Variants in ARHGAP24 observed in about 807,000 individuals in gnomAD.
ARHGAP24 encodes rho GTPase-activating protein 24.
ARHGAP24 carries 50 observed loss-of-function variants against 76.4 expected under a neutral mutation model. The ratio of observed to expected loss-of-function variants is 0.65; its 90% CI spans 0.52 to 0.83. The LOEUF (loss-of-function observed/expected upper bound fraction) is 0.83. Among genes scored for constraint, ARHGAP24 ranks in the 40% least tolerant of loss-of-function variants. The pLI is 0.00. For synonymous variants in ARHGAP24, 345 were observed against 323.3 expected (o/e 1.07, Z -0.72); for missense variants, 930 against 914.2 (o/e 1.02, Z -0.22).
intron 3 of ARHGAP24, among the ~76,000 whole-genome samples, chr4:85,785,474 T>A (rs1727791070): frequency 6.6e-6 from 1 of 151,514 alleles, no homozygotes; most frequent in African/African-American, 2.4e-5. Context: ...TCTGTTTTTG[T>A]TGTTGTTGTT....
At chr4:85,926,685 G>A (rs1027748419) in intron 4 of ARHGAP24, among the ~76,000 whole-genome samples, 2 of 152,032 alleles carry the variant, frequency 1.3e-5, no homozygotes, top group African/African-American at 2.4e-5. Flanking sequence ...TGTGTATTAC[G>A]TTTCCACTTA....
intron 1 of ARHGAP24, among the ~76,000 whole-genome samples, chr4:85,499,303 G>A (rs1203455925): frequency 6.6e-6 from 1 of 152,132 alleles, no homozygotes; most frequent in African/African-American, 2.4e-5. Context: ...AGAATTTCAA[G>A]CCTCTAGTTT....
chr4:85,833,308 T>A (rs1730090129), intron 3 of ARHGAP24, among the ~76,000 whole-genome samples: 1 of 152,206 alleles, frequency 6.6e-6, no homozygotes, highest in Non-Finnish European at 1.5e-5. Flanking sequence ...AAAAGCTATC[T>A]ATCAAGAGGT....
At chr4:85,638,089 A>C (rs371068771) in intron 2 of ARHGAP24, among the ~76,000 whole-genome samples, 6 of 152,208 alleles carry the variant, frequency 3.9e-5, no homozygotes, top group African/African-American at 1.4e-4. Flanking sequence ...AAAGCCTTGT[A>C]ATAACTTGTC....
chr4:85,722,944 A>T (rs528163187), intron 3 of ARHGAP24, among the ~76,000 whole-genome samples: 1 of 152,240 alleles, frequency 6.6e-6, no homozygotes, highest in Non-Finnish European at 1.5e-5. Context: ...CAGCTGTGGC[A>T]CTAAGTTCAT....
chr4:85,837,856 T>C (rs917985582), intron 3 of ARHGAP24, among the ~76,000 whole-genome samples: 1 of 152,172 alleles, frequency 6.6e-6, no homozygotes. Flanking sequence ...TTAACATTTT[T>C]ATCATCTTCT....
chr4:85,824,809 G>A (rs541049316), intron 3 of ARHGAP24, among the ~76,000 whole-genome samples: 1 of 152,136 alleles, frequency 6.6e-6, no homozygotes, highest in Non-Finnish European at 1.5e-5. Flanking sequence ...CTAAATACCC[G>A]GCCAGGTTGG....
chr4:85,789,332 A>G (rs1728009060), intron 3 of ARHGAP24, among the ~76,000 whole-genome samples: 1 of 152,070 alleles, frequency 6.6e-6, no homozygotes, highest in Non-Finnish European at 1.5e-5. Flanking sequence ...CAGAGAATCA[A>G]AGAAAAGGCA....
At chr4:85,629,086 G>A (rs951077131) in intron 2 of ARHGAP24, among the ~76,000 whole-genome samples, 1 of 151,970 alleles carries the variant, frequency 6.6e-6, no homozygotes, top group African/African-American at 2.4e-5. Flanking sequence ...TTTTGTAGTG[G>A]TACGTTTTGA....
intron 3 of ARHGAP24, among the ~76,000 whole-genome samples, chr4:85,879,313 G>A (rs1201936084): frequency 6.6e-6 from 1 of 151,982 alleles, no homozygotes; most frequent in African/African-American, 2.4e-5. Flanking sequence ...ATTTCTGTAC[G>A]ACACGTTAAG....
At chr4:85,977,476 A>G (rs1560760142) in intron 7 of ARHGAP24, 94 bp from the exon 8 acceptor site, 4 of 1,409,948 alleles carry the variant, frequency 2.8e-6, no homozygotes, top group Middle Eastern at 1.8e-4. Flanking sequence ...ATCTTTGAAC[A>G]TAACTTTAGT....
chr4:85,826,083 A>T (rs1426175411), intron 3 of ARHGAP24, among the ~76,000 whole-genome samples: 1 of 152,186 alleles, frequency 6.6e-6, no homozygotes, highest in Admixed American at 6.5e-5. Context: ...TGTGTGTCTC[A>T]TAAGACGGGT....
At chr4:85,514,146 G>C (rs1724393845) in intron 1 of ARHGAP24, among the ~76,000 whole-genome samples, 2 of 152,126 alleles carry the variant, frequency 1.3e-5, no homozygotes, top group Admixed American at 1.3e-4. Flanking sequence ...TACAGCCCCA[G>C]ACTCCATCTT....
chr4:85,488,925 T>C (rs1159313773), intron 1 of ARHGAP24, among the ~76,000 whole-genome samples: 1 of 152,246 alleles, frequency 6.6e-6, no homozygotes, highest in Non-Finnish European at 1.5e-5. Context: ...TAAAGGCAGC[T>C]GAAAATTGTA....
intron 3 of ARHGAP24, among the ~76,000 whole-genome samples, chr4:85,745,415 ACATATATATAAT>A (rs750791075): frequency 1.5e-5 from 1 of 65,444 alleles, no homozygotes. Flanking sequence ...TAGTATATAT[ACATATATATAAT>A]ATATATATAC....
chr4:85,788,042 G>T (rs1727933701), intron 3 of ARHGAP24, among the ~76,000 whole-genome samples: 1 of 152,142 alleles, frequency 6.6e-6, no homozygotes. Flanking sequence ...AAGAGAAGGA[G>T]TGGTGAGAGA....
chr4:85,722,433 A>T (rs1218572454), intron 3 of ARHGAP24: 1 of 204,078 alleles, frequency 4.9e-6, no homozygotes, highest in Non-Finnish European at 1.0e-5. Flanking sequence ...AACTCTTACT[A>T]CTTAATACTT....
intron 2 of ARHGAP24, among the ~76,000 whole-genome samples, chr4:85,615,714 G>A (rs1720518540): frequency 6.6e-6 from 1 of 152,138 alleles, no homozygotes; most frequent in Non-Finnish European, 1.5e-5. Flanking sequence ...CTCACAGAGA[G>A]CAGACCAGTG....
chr4:85,992,854 T>C (rs1049151959), intron 8 of ARHGAP24, among the ~76,000 whole-genome samples: 16 of 152,208 alleles, frequency 1.1e-4, no homozygotes, highest in Non-Finnish European at 2.2e-4. Context: ...ATTCAATAGA[T>C]ATTTATCTTT....
Sources: gnomAD v4.1 joint callset for allele counts (sites outside exome capture counted in the v4.1 genomes callset) on GRCh38, gnomAD v4.1.1 for gene constraint, MANE v1.5 for transcripts, NCBI Gene and HGNC (gene_info 2026-07-23, HGNC 2026-07-21) for gene names.